NUP205: variants seen among roughly 807,000 people sequenced by gnomAD.
NUP205 encodes nucleoporin 205, also known as nuclear pore complex protein Nup205.
Under a neutral mutation model 253.8 loss-of-function variants are expected in NUP205, and 76 were observed. The ratio of observed to expected loss-of-function variants is 0.30; its 90% CI spans 0.25 to 0.36. NUP205 has a LOEUF of 0.36. Ranked by LOEUF, NUP205 falls within the 10% of genes least tolerant of loss-of-function variation. The probability of loss-of-function intolerance (pLI) is 1.00; values close to 1 mark genes in which losing one functional copy is unlikely to be tolerated. For missense variants in NUP205, 2,162 were observed against 2,425.5 expected (o/e 0.89, Z 2.28); for synonymous variants, 832 against 850.1 (o/e 0.98, Z 0.37).
chr7:135,588,490 C>T (rs146326547), intron 10 of NUP205, among the ~76,000 whole-genome samples: 1 of 150,604 alleles, frequency 6.6e-6, no homozygotes, highest in African/African-American at 2.4e-5. Context: ...AATTTAAGTT[C>T]TGTTGATTTT....
At chr7:135,561,777 C>T (rs1805585577) in intron 1 of NUP205, among the ~76,000 whole-genome samples, 1 of 152,164 alleles carries the variant, frequency 6.6e-6, no homozygotes, top group Admixed American at 6.5e-5. Context: ...TCACTTCTCT[C>T]TCTTGCTCTT....
At chr7:135,601,302 C>A in intron 16 of NUP205, 68 bp from the exon 17 acceptor site, 1 of 1,374,138 alleles carries the variant, frequency 7.3e-7, no homozygotes, top group Non-Finnish European at 1.0e-6. Context: ...TCATACATTT[C>A]ATATAAATCA....
chr7:135,582,267 A>G (rs1563115432), intron 7 of NUP205, among the ~76,000 whole-genome samples: 1 of 152,230 alleles, frequency 6.6e-6, no homozygotes, highest in African/African-American at 2.4e-5. Context: ...CCTGGGCAGC[A>G]GAGTAAGACT....
chr7:135,569,655 A>G (rs1461167897), intron 1 of NUP205, among the ~76,000 whole-genome samples: 2 of 151,982 alleles, frequency 1.3e-5, no homozygotes, highest in Non-Finnish European at 2.9e-5. Context: ...TTAAGACATA[A>G]TCATACATGT....
At chr7:135,646,368 G>A (rs902461462) in intron 42 of NUP205, 137 bp downstream of exon 42, 2 of 667,754 alleles carry the variant, frequency 3.0e-6, no homozygotes, top group South Asian at 3.7e-5. Flanking sequence ...TTTGAGAGCA[G>A]TCTGGGCAAC....
chr7:135,637,908 A>G, intron 36 of NUP205, 23 bp from the exon 37 acceptor site: 1 of 1,593,544 alleles, frequency 6.3e-7, no homozygotes, highest in Non-Finnish European at 8.5e-7. Flanking sequence ...AATACATTTA[A>G]CAAGATATCT....
chr7:135,583,020 G>A (rs1806350400), intron 7 of NUP205, among the ~76,000 whole-genome samples: 1 of 152,118 alleles, frequency 6.6e-6, no homozygotes, highest in African/African-American at 2.4e-5. Flanking sequence ...AACCTGGGAG[G>A]CGGAGGTTGC....
At position 135,557,936 on chromosome 7, in the gene NUP205, G is replaced by C. The variant is rs202012259; in HGVS notation, c.-9G>C. The C allele has an allele frequency of 1.6e-3, 2,656 of 1,613,236 alleles. 4 individuals are homozygous for C. Among genetic ancestry groups the C allele is most frequent in the Non-Finnish European group, 2.0e-3 (2,393 of 1,179,160 alleles). ...TGCGGCAGAAGGGCTCTGTTAGTGC[G>C]CCTCTAAGATGGCGACGCCTTTGGC... On this transcript the variant is annotated 5_prime_UTR_variant, in exon 1 of 43. Transcript: ENST00000285968.
At chr7:135,603,490 A>G (rs1794009245) in intron 18 of NUP205, among the ~76,000 whole-genome samples, 1 of 151,476 alleles carries the variant, frequency 6.6e-6, no homozygotes, top group East Asian at 1.9e-4. Flanking sequence ...TCCATGTTCT[A>G]AGAATCTAAG....
chr7:135,648,239 T>C (rs1232680456), intron 42 of NUP205, among the ~76,000 whole-genome samples, 165 bp from the exon 43 acceptor site: 4 of 152,144 alleles, frequency 2.6e-5, no homozygotes, highest in Non-Finnish European at 4.4e-5. Flanking sequence ...AGGTAGAAAA[T>C]GTGAATGTTT....
rs539655189 is a variant in NUP205 at position 135,608,629 on chromosome 7, A to G, written c.3195+1258A>G. Reference sequence around the variant, plus strand: ...AGGCTGGGGCATGAGAATTGCTTGAACCCAGGAGGTAGAGGTTGCAGTGAG... The same window carrying G: ...AGGCTGGGGCATGAGAATTGCTTGAGCCCAGGAGGTAGAGGTTGCAGTGAG... On this transcript the variant is annotated intron_variant, in intron 22 of 42. Transcript: ENST00000285968. Among the ~76,000 whole-genome samples the G allele has an allele frequency of 1.1e-4, 16 of 152,006 alleles. No homozygotes were observed. The South Asian group carries it at 3.1e-3, about 30-fold the overall frequency.
chr7:135,567,446 A>T (rs1237908240), intron 1 of NUP205, among the ~76,000 whole-genome samples: 2 of 147,128 alleles, frequency 1.4e-5, no homozygotes, highest in Admixed American at 6.9e-5. Flanking sequence ...AAAAAAAAAA[A>T]AGCAAACAAA....
intron 7 of NUP205, among the ~76,000 whole-genome samples, chr7:135,584,358 T>C (rs1415182212): frequency 6.6e-6 from 1 of 152,184 alleles, no homozygotes; most frequent in African/African-American, 2.4e-5. Flanking sequence ...CAAGTTTATA[T>C]TCAAGTTAAA....
intron 10 of NUP205, among the ~76,000 whole-genome samples, chr7:135,591,009 G>T (rs551091745): frequency 6.6e-6 from 1 of 152,172 alleles, no homozygotes. Context: ...GTATGGGAAC[G>T]TGGCATTGGT....
chr7:135,562,852 T>G (rs1805628134), intron 1 of NUP205, among the ~76,000 whole-genome samples: 2 of 152,224 alleles, frequency 1.3e-5, no homozygotes, highest in South Asian at 4.1e-4. Flanking sequence ...TCATCAAAAT[T>G]CTTTAACGTG....
Position 135,630,234 on chromosome 7 carries a change from A to T in NUP205, c.4933-110A>T, listed in dbSNP as rs965124029. ...TATTGTATTACTGAGTATTATGGTAAAGTTGAAGGTTACTTCCTTCAACAT... is the reference window on the plus strand; with the variant it reads ...TATTGTATTACTGAGTATTATGGTATAGTTGAAGGTTACTTCCTTCAACAT... On this transcript the variant is annotated intron_variant, in intron 34 of 42. Transcript: ENST00000285968. 1.1e-5 allele frequency: 8 copies of T among 724,278 alleles called. No individual in the cohort carries two copies. In the Admixed American group the frequency reaches 3.1e-4, roughly 28 times the overall value. 44.9% of individuals were successfully genotyped at this position (724,278 alleles called of 1,614,324 possible).
In NUP205 at chr7:135,567,126, GTGTATA is replaced by G. The variant is rs1227153343; in HGVS notation, c.29-3977_29-3972del. Among the ~76,000 whole-genome samples, 16 of 5,378 alleles carry G rather than the reference GTGTATA, an allele frequency of 3.0e-3. No homozygotes were observed. The East Asian group carries it at 0.064, about 21-fold the overall frequency. 3.5% of individuals were successfully genotyped at this position (5,378 alleles called of 152,430 possible). A position where few individuals can be genotyped will look rare whatever the true frequency, so the allele number is the denominator to read the frequency against. ...TCTGTCTGTCTTGCTCAGTCTATGT[GTGTATA>G]TATATATATATATATATATATATAT... On this transcript the variant is annotated intron_variant, in intron 1 of 42. Transcript: ENST00000285968.
chr7:135,588,143 T>C (rs1806524226), intron 10 of NUP205, 151 bp downstream of exon 10: 1 of 564,786 alleles, frequency 1.8e-6, no homozygotes, highest in African/African-American at 1.9e-5. Context: ...ATTTTATTTA[T>C]TTATTTATTT....
chr7:135,629,597 G>C (rs1427606361), intron 34 of NUP205, among the ~76,000 whole-genome samples: 1 of 149,504 alleles, frequency 6.7e-6, no homozygotes, highest in East Asian at 2.0e-4. Context: ...CACGATTCCA[G>C]CTCACTGCAA....
Sources: allele counts gnomAD v4.1 joint callset (sites outside exome capture counted in the v4.1 genomes callset), GRCh38; gene constraint gnomAD v4.1.1; transcripts MANE v1.5; gene names NCBI Gene and HGNC (gene_info 2026-07-23, HGNC 2026-07-21).